BRD10: variants seen among roughly 807,000 people sequenced by gnomAD.
The protein encoded by BRD10 is uncharacterized bromodomain-containing protein 10.
At chr9:5,899,494 T>C in the BRD10 span, among the ~76,000 whole-genome samples, 21 of 152,262 alleles carry the variant, frequency 1.4e-4, no homozygotes, top group Admixed American at 3.9e-4. Flanking sequence ...TCTAGTGTGC[T>C]GACATCTAGT....
the BRD10 span, among the ~76,000 whole-genome samples, chr9:5,879,683 A>G: frequency 6.6e-6 from 1 of 152,160 alleles, no homozygotes; most frequent in Admixed American, 6.5e-5. Flanking sequence ...TGGACCAATT[A>G]AATGAGCTCA....
chr9:5,968,344 G>C, the BRD10 span: 1 of 1,609,716 alleles, frequency 6.2e-7, no homozygotes, highest in Non-Finnish European at 8.5e-7. Context: ...TTAATGGACT[G>C]GGTTCAATCT....
chr9:5,940,917 A>G, the BRD10 span, among the ~76,000 whole-genome samples: 1 of 152,222 alleles, frequency 6.6e-6, no homozygotes. Context: ...ATCAATATTT[A>G]TAAGACTTTC....
chr9:5,959,824 A>C, the BRD10 span, among the ~76,000 whole-genome samples: 135,592 of 151,908 alleles, frequency 0.89, 61,395 homozygotes, highest in Non-Finnish European at 0.99. Flanking sequence ...ATTCCTTGCA[A>C]TGGAATCTTG....
the BRD10 span, chr9:5,910,585 T>C: frequency 6.6e-6 from 1 of 152,146 alleles, no homozygotes; most frequent in Non-Finnish European, 1.5e-5. Flanking sequence ...GAACCCTACA[T>C]CCCTCCAGAA....
At chr9:5,964,623 A>G in the BRD10 span, among the ~76,000 whole-genome samples, 1 of 142,144 alleles carries the variant, frequency 7.0e-6, no homozygotes, top group Non-Finnish European at 1.5e-5. Flanking sequence ...TTATTGCGGC[A>G]TTATTCACAA....
chr9:5,886,616 G>A, the BRD10 span, among the ~76,000 whole-genome samples: 1 of 152,186 alleles, frequency 6.6e-6, no homozygotes, highest in African/African-American at 2.4e-5. Flanking sequence ...TGTTAGTTTG[G>A]GACTAGATTG....
At chr9:5,943,262 G>T in the BRD10 span, among the ~76,000 whole-genome samples, 1 of 152,114 alleles carries the variant, frequency 6.6e-6, no homozygotes, top group Non-Finnish European at 1.5e-5. Context: ...TAGAATGCTT[G>T]CAGAAGTCTT....
chr9:5,995,035 G>T, the BRD10 span, among the ~76,000 whole-genome samples: 1 of 152,042 alleles, frequency 6.6e-6, no homozygotes, highest in African/African-American at 2.4e-5. Flanking sequence ...GAGTAGCTGG[G>T]ATTACAGGCA....
the BRD10 span, chr9:5,910,754 A>G: frequency 6.6e-6 from 1 of 152,344 alleles, no homozygotes; most frequent in African/African-American, 2.4e-5. Flanking sequence ...AAAGGAATAG[A>G]AAGTGCCAGA....
At chr9:5,982,866 G>A in the BRD10 span, among the ~76,000 whole-genome samples, 1 of 152,084 alleles carries the variant, frequency 6.6e-6, no homozygotes, top group Non-Finnish European at 1.5e-5. Context: ...TGAAGCACCT[G>A]GAAGTTGTGA....
chr9:5,986,932 GC>G, the BRD10 span, among the ~76,000 whole-genome samples: 2 of 152,084 alleles, frequency 1.3e-5, no homozygotes, highest in East Asian at 3.9e-4. Context: ...ACCTTTTCAA[GC>G]TCTTCTATTT....
At chr9:5,975,480 G>C in the BRD10 span, among the ~76,000 whole-genome samples, 62 of 147,028 alleles carry the variant, frequency 4.2e-4, no homozygotes, top group East Asian at 7.5e-3. Context: ...TAGCAATAAG[G>C]TCATTAAAGT....
the BRD10 span, chr9:5,920,453 G>A: frequency 1.9e-6 from 3 of 1,613,902 alleles, no homozygotes; most frequent in African/African-American, 4.0e-5. Flanking sequence ...GTGAATGGTA[G>A]TGCCACCTGG....
At chr9:5,886,589 GA>G in the BRD10 span, among the ~76,000 whole-genome samples, 1 of 152,306 alleles carries the variant, frequency 6.6e-6, no homozygotes, top group African/African-American at 2.4e-5. Context: ...AAGTGGTTTG[GA>G]CTCTAGAGCT....
chr9:5,944,941 T>A, the BRD10 span: 1 of 1,532,244 alleles, frequency 6.5e-7, no homozygotes, highest in Non-Finnish European at 8.8e-7. Flanking sequence ...CCTGAGTTCA[T>A]CAAGATTAGT....
the BRD10 span, among the ~76,000 whole-genome samples, chr9:5,980,995 G>T: frequency 6.6e-6 from 1 of 152,124 alleles, no homozygotes; most frequent in Non-Finnish European, 1.5e-5. Flanking sequence ...TGATTTCAAA[G>T]TCCCTTCCCT....
At chr9:5,999,030 C>G in the BRD10 span, among the ~76,000 whole-genome samples, 16 of 151,920 alleles carry the variant, frequency 1.1e-4, no homozygotes, top group East Asian at 3.1e-3. Flanking sequence ...AAATTTGTGT[C>G]TATAAAAACT....
At chr9:6,008,260 C>A in the BRD10 span, 7 of 983,152 alleles carry the variant, frequency 7.1e-6, no homozygotes, top group Non-Finnish European at 8.5e-6. Context: ...CTCCCTCACA[C>A]CCCCTCCCGC....
Sources: gnomAD v4.1 joint callset for allele counts (sites outside exome capture counted in the v4.1 genomes callset) on GRCh38, gnomAD v4.1.1 for gene constraint, MANE v1.5 for transcripts, NCBI Gene and HGNC (gene_info 2026-07-23, HGNC 2026-07-21) for gene names.